KIF13A: variants seen among roughly 807,000 people sequenced by gnomAD.
KIF13A encodes kinesin family member 13A.
KIF13A carries 79 observed loss-of-function variants against 212.2 expected under a neutral mutation model. The observed-to-expected ratio is 0.37, with a 90% CI of 0.31 to 0.45. KIF13A has a LOEUF of 0.45. KIF13A is among the 20% of genes least tolerant of loss of function. The probability of loss-of-function intolerance (pLI) is 1.00; values close to 1 mark genes in which losing one functional copy is unlikely to be tolerated. For missense variants in KIF13A, 1,901 were observed against 2,209.0 expected, an observed-to-expected ratio of 0.86 and a Z score of 2.79; for synonymous variants, 789 against 808.6, an observed-to-expected ratio of 0.98 and a Z score of 0.41.
At chr6:17,859,007 A>G (rs188932792) in intron 4 of KIF13A, among the ~76,000 whole-genome samples, 4 of 152,314 alleles carry the variant, frequency 2.6e-5, no homozygotes, top group Non-Finnish European at 5.9e-5. Context: ...AATACCTAGT[A>G]TATCTATTCC....
chr6:17,961,081 T>C lies in KIF13A; in HGVS notation c.146+25973A>G, dbSNP rs1196038168. The stretch of plus-strand genomic sequence containing the variant: ...TCTACATAATATTACAGGGGCTTAA[T>C]GTTAAGCCAAGGGTCAGAGAAAGAT... On this transcript the variant is annotated intron_variant, in intron 2 of 38. Transcript: ENST00000259711. This position sits in a 1 kb window ranked among gnomAD's most constrained non-coding sequence, Gnocchi z 4.1. 3.3e-5 allele frequency among the ~76,000 whole-genome samples: 5 copies of C among 152,212 alleles called. No individual in the cohort carries two copies. The highest frequency in any genetic ancestry group is 1.9e-4 in the East Asian group (1 of 5,196).
Position 17,828,487 on chromosome 6 carries a change from T to G in KIF13A, c.1402-117A>C. ...ATGCACAAAAATATTAAACGAATCC[T>G]GCCAGAGATGTTAAATATCTTAAGC... On this transcript the variant is annotated intron_variant, in intron 13 of 38. Transcript: ENST00000259711. This position sits in a 1 kb window ranked among gnomAD's most constrained non-coding sequence, Gnocchi z 4.3. The G allele has an allele frequency of 1.3e-6, 1 of 752,442 alleles. No individual in the cohort carries two copies. Among genetic ancestry groups the G allele is most frequent in the Non-Finnish European group, 2.0e-6 (1 of 490,594 alleles). 46.6% of individuals were successfully genotyped at this position (752,442 alleles called of 1,614,324 possible).
Position 17,783,664 on chromosome 6 carries a change from G to T in KIF13A, c.3526C>A (p.Leu1176Ile). The T allele has an allele frequency of 6.3e-7, 1 of 1,581,386 alleles. No homozygotes were observed. ...PPGMETHIPV[L>I]FLDLNADDLS... ...TACTTACCATTCAAATCGAGGAAGA[G>T]AACTGGTATGTGGGTTTCCATTCCA... is the stretch of plus-strand genomic sequence containing the variant. Residue 1176 changes from leucine (L) to isoleucine (I), a missense_variant, in exon 29 of 39, where the codon CTC (leucine) becomes ATC (isoleucine). Leu to Ile is a conservative substitution (Grantham distance 5). Coordinates refer to ENST00000259711, the MANE Select transcript of KIF13A (RefSeq NM_022113.6). This position sits in a 1 kb window ranked among gnomAD's most constrained non-coding sequence, Gnocchi z 4.3.
chr6:17,795,096 T>C (rs1309538821), intron 23 of KIF13A: 1 of 169,680 alleles, frequency 5.9e-6, no homozygotes, highest in East Asian at 1.7e-4. Flanking sequence ...TCACACATTA[T>C]GTATTCTTGT....
intron 2 of KIF13A, among the ~76,000 whole-genome samples, chr6:17,966,320 G>C (rs1446390959): frequency 6.6e-6 from 1 of 151,732 alleles, no homozygotes; most frequent in African/African-American, 2.4e-5. Flanking sequence ...CTCTAAAGTG[G>C]CCTAACATAG....
chr6:17,967,740 C>T lies in KIF13A; in HGVS notation c.146+19314G>A, dbSNP rs1170665291. 6.6e-6 allele frequency among the ~76,000 whole-genome samples: 1 copy of T among 152,204 alleles called. No individual in the cohort carries two copies. Among genetic ancestry groups the T allele is most frequent in the Non-Finnish European group, 1.5e-5 (1 of 68,038 alleles). On this transcript the variant is annotated intron_variant, in intron 2 of 38. Transcript: ENST00000259711. The surrounding 1 kb of genome is among the most constrained non-coding windows in gnomAD (Gnocchi z 4.1). ...ACTGCCCAGCCACTGAGCCATCTGC[C>T]TTCCTGCTCTGATTTCTGAACCAAG... is the stretch of plus-strand genomic sequence containing the variant.
chr6:17,846,881 G>C (rs900877933), intron 9 of KIF13A, among the ~76,000 whole-genome samples: 1 of 152,204 alleles, frequency 6.6e-6, no homozygotes. Context: ...AGCCACAGTG[G>C]CTGAGCCTGG....
At chr6:17,770,361 A>ATTTTTTTTTTTTTTTTTTTTTTTTTTTTT (rs200616640) in intron 38 of KIF13A, 1 of 119,446 alleles carries the variant, frequency 8.4e-6, no homozygotes. Context: ...AATAAACAGG[A>ATTTTTTTTTTTTTTTTTTTTTTTTTTTTT]TTTTTTTTTT....
chr6:17,780,356 C>G (rs1304712500), intron 31 of KIF13A, among the ~76,000 whole-genome samples: 1 of 152,216 alleles, frequency 6.6e-6, no homozygotes, highest in African/African-American at 2.4e-5. Flanking sequence ...GAGATGGGAT[C>G]CGTCAAAGCA....
intron 2 of KIF13A, among the ~76,000 whole-genome samples, chr6:17,974,663 A>T (rs536403322): frequency 0.013 from 744 of 58,508 alleles, 5 homozygotes; most frequent in South Asian, 0.022. Context: ...AAGCTTTTTT[A>T]AAAAAAATCC....
intron 2 of KIF13A, among the ~76,000 whole-genome samples, chr6:17,976,119 C>T (rs56295626): frequency 0.04 from 6,035 of 152,358 alleles, 214 homozygotes; most frequent in Admixed American, 0.058. Flanking sequence ...CTCAGGAGCC[C>T]AGCTGGCTTC....
At position 17,898,303 on chromosome 6, in the gene KIF13A, G is replaced by A; in HGVS notation, c.147-123C>T. The A allele has an allele frequency of 6.0e-6, 5 of 836,922 alleles. No homozygotes were observed. In the South Asian group the frequency reaches 6.7e-5, roughly 11 times the overall value. The allele number at this position is 836,922 out of a possible 1,614,324, so 51.8% of individuals were successfully genotyped here. On this transcript the variant is annotated intron_variant, in intron 2 of 38. Coordinates refer to ENST00000259711, the MANE Select transcript of KIF13A (RefSeq NM_022113.6). The surrounding 1 kb of genome is among the most constrained non-coding windows in gnomAD (Gnocchi z 5.2). ...GGTAAATTCAGCACCTTGATAACATGATCTGAAAGATATTCTTCTTCATGA... is the reference window on the plus strand; with the variant it reads ...GGTAAATTCAGCACCTTGATAACATAATCTGAAAGATATTCTTCTTCATGA...
At chr6:17,832,814 T>C (rs1446826733) in intron 12 of KIF13A, among the ~76,000 whole-genome samples, 1 of 151,346 alleles carries the variant, frequency 6.6e-6, no homozygotes, top group Non-Finnish European at 1.5e-5. Flanking sequence ...GAGTTTGAGA[T>C]CAGCTGGGGC....
intron 9 of KIF13A, among the ~76,000 whole-genome samples, chr6:17,848,558 CTTTTTTTTTTT>C (rs66477046): frequency 4.4e-5 from 3 of 68,856 alleles, no homozygotes; most frequent in African/African-American, 5.5e-5. Flanking sequence ...ACTCGTACAT[CTTTTTTTTTTT>C]TTTTTTTTTT....
At chr6:17,972,932 A>C (rs938070163) in intron 2 of KIF13A, among the ~76,000 whole-genome samples, 1 of 152,076 alleles carries the variant, frequency 6.6e-6, no homozygotes, top group African/African-American at 2.4e-5. Flanking sequence ...CAGCCAGTTC[A>C]TCAAGCCCAC....
intron 9 of KIF13A, among the ~76,000 whole-genome samples, chr6:17,841,741 G>T (rs1483978921): frequency 1.3e-5 from 2 of 152,112 alleles, no homozygotes; most frequent in Non-Finnish European, 2.9e-5. Flanking sequence ...GGAACAGAAT[G>T]AAAATAACTG....
In KIF13A at chr6:17,947,806, G is replaced by T. The variant is rs927992246; in HGVS notation, c.146+39248C>A. ...CAGTGAGCCGAGATTGCGCCATTGC[G>T]CTCCAGCCTGTGTGACAAGAGCAAA... is the stretch of plus-strand genomic sequence containing the variant. On this transcript the variant is annotated intron_variant, in intron 2 of 38. Transcript: ENST00000259711. This position sits in a 1 kb window ranked among gnomAD's most constrained non-coding sequence, Gnocchi z 4.6. 7.2e-5 allele frequency among the ~76,000 whole-genome samples: 11 copies of T among 151,756 alleles called. No individual in the cohort carries two copies. Among genetic ancestry groups the T allele is most frequent in the African/African-American group, 2.4e-4 (10 of 41,316 alleles).
intron 9 of KIF13A, among the ~76,000 whole-genome samples, chr6:17,847,523 T>A (rs1033678401): frequency 4.7e-4 from 72 of 152,378 alleles, no homozygotes; most frequent in African/African-American, 1.6e-3. Flanking sequence ...AATAATGTGT[T>A]AACATCATCT....
chr6:17,827,286 G>T (rs1207609740), intron 14 of KIF13A, among the ~76,000 whole-genome samples: 1 of 151,340 alleles, frequency 6.6e-6, no homozygotes, highest in Non-Finnish European at 1.5e-5. Context: ...TGTAGAGTAG[G>T]GGGTTTCGCC....
Sources: allele counts gnomAD v4.1 joint callset (sites outside exome capture counted in the v4.1 genomes callset), GRCh38; gene constraint gnomAD v4.1.1; non-coding constraint Gnocchi (gnomAD v3.1); transcripts MANE v1.5; gene names NCBI Gene and HGNC (gene_info 2026-07-23, HGNC 2026-07-21).